Variants in IL1RAP observed in about 807,000 individuals in gnomAD.
The protein encoded by IL1RAP is interleukin 1 receptor accessory protein, also known as interleukin-1 receptor accessory protein.
Under a neutral mutation model 60.7 loss-of-function variants are expected in IL1RAP, and 35 were observed. The ratio of observed to expected loss-of-function variants is 0.58; its 90% CI spans 0.44 to 0.76. IL1RAP has a LOEUF of 0.76. Ranked by LOEUF, IL1RAP falls within the 30% of genes least tolerant of loss-of-function variation. The pLI, the probability that IL1RAP is intolerant of heterozygous loss-of-function variation, is 0.00. For synonymous variants in IL1RAP, 268 were observed against 250.9 expected, an observed-to-expected ratio of 1.07 and a Z score of -0.64; for missense variants, 572 against 693.9, an observed-to-expected ratio of 0.82 and a Z score of 1.97.
chr3:190,579,804 G>A lies in IL1RAP; in HGVS notation c.64+15451G>A, dbSNP rs56698815. On this transcript the variant is annotated intron_variant, in intron 3 of 11. Coordinates refer to ENST00000447382, the MANE Select transcript of IL1RAP (RefSeq NM_002182.4). ...CTGTCTCTATAGATTTGCCTATTCC[G>A]GATATTTCATACAAGTGGGATGATA... Among the ~76,000 whole-genome samples, 1,288 of 152,104 alleles carry A rather than the reference G, an allele frequency of 8.5e-3. 23 individuals are homozygous for A. Among genetic ancestry groups the A allele is most frequent in the African/African-American group, 0.03 (1,254 of 41,472 alleles).
chr3:190,601,859 T>C (rs899196737), intron 3 of IL1RAP, among the ~76,000 whole-genome samples: 4 of 152,178 alleles, frequency 2.6e-5, no homozygotes, highest in African/African-American at 9.7e-5. Flanking sequence ...CTGTGGTCTC[T>C]TATTTATTAA....
intron 4 of IL1RAP, 68 bp downstream of exon 4, chr3:190,604,481 G>A (rs186352256): frequency 6.5e-5 from 98 of 1,506,476 alleles, no homozygotes; most frequent in Admixed American, 1.2e-4. Flanking sequence ...CGGATGATCC[G>A]TGTGCTAGGA....
chr3:190,532,261 C>CTTT (rs370264409), intron 1 of IL1RAP, among the ~76,000 whole-genome samples: 4 of 128,274 alleles, frequency 3.1e-5, no homozygotes, highest in Admixed American at 1.6e-4. Context: ...AATCATCTTT[C>CTTT]TTTTTTTTTT....
chr3:190,595,159 G>A (rs1164933925), intron 3 of IL1RAP, among the ~76,000 whole-genome samples: 1 of 152,162 alleles, frequency 6.6e-6, no homozygotes, highest in African/African-American at 2.4e-5. Flanking sequence ...GTTAGAAGGT[G>A]AGCTCCGTGA....
At chr3:190,647,625 T>C (rs1470925830) in intron 11 of IL1RAP, among the ~76,000 whole-genome samples, 3 of 152,132 alleles carry the variant, frequency 2.0e-5, no homozygotes, top group African/African-American at 7.2e-5. Context: ...ATAGTAATGG[T>C]CGGAGTTTGA....
chr3:190,631,015 T>C (rs1175305703), intron 9 of IL1RAP, among the ~76,000 whole-genome samples: 1 of 152,206 alleles, frequency 6.6e-6, no homozygotes, highest in Non-Finnish European at 1.5e-5. Context: ...GACAAAGGCT[T>C]TTATCATCAA....
chr3:190,590,811 T>C (rs1405850187), intron 3 of IL1RAP, among the ~76,000 whole-genome samples: 1 of 152,208 alleles, frequency 6.6e-6, no homozygotes, highest in African/African-American at 2.4e-5. Context: ...AGTGTACTGT[T>C]GTACTATTTA....
intron 9 of IL1RAP, chr3:190,644,004 A>G (rs772587478): frequency 1.5e-5 from 5 of 337,102 alleles, no homozygotes; most frequent in Non-Finnish European, 2.1e-5. Context: ...GTTTTAATTT[A>G]TATATTGTCA....
intron 3 of IL1RAP, among the ~76,000 whole-genome samples, chr3:190,581,709 T>G (rs1218289142): frequency 1.3e-5 from 2 of 152,240 alleles, no homozygotes; most frequent in Non-Finnish European, 2.9e-5. Flanking sequence ...TTGTATTATT[T>G]TTCTATTGTA....
At chr3:190,566,943 A>T (rs1726463055) in intron 3 of IL1RAP, among the ~76,000 whole-genome samples, 1 of 152,212 alleles carries the variant, frequency 6.6e-6, no homozygotes, top group Admixed American at 6.5e-5. Context: ...ATCTCAACGG[A>T]AACACAGGTT....
downstream of IL1RAP, among the ~76,000 whole-genome samples, chr3:190,652,390 A>G (rs1188363023): frequency 2.6e-5 from 4 of 151,130 alleles, no homozygotes; most frequent in Non-Finnish European, 4.4e-5. Context: ...TGAACCCGGG[A>G]GGCGGAGATT....
rs370310686 is a variant in IL1RAP, at chr3:190,598,659, GACA to G, written c.65-5463_65-5461del. Reference sequence around the variant, plus strand: ...ACTTTTACTAATTACCCTTCTCAGAGACAACAACTTGGATGTCTTATTTATCTC... The same window carrying G: ...ACTTTTACTAATTACCCTTCTCAGAGACAACTTGGATGTCTTATTTATCTC... On this transcript the variant is annotated intron_variant, in intron 3 of 11. Transcript: ENST00000447382. 4.6e-3 allele frequency among the ~76,000 whole-genome samples: 694 copies of G among 151,994 alleles called. 4 individuals are homozygous for G. The highest frequency in any genetic ancestry group is 0.016 in the African/African-American group (662 of 41,450).
chr3:190,533,889 G>A lies in IL1RAP; in HGVS notation c.-89+19670G>A, dbSNP rs577789355. 5.3e-5 allele frequency among the ~76,000 whole-genome samples: 8 copies of A among 152,186 alleles called. No homozygotes were observed. The East Asian group carries it at 5.8e-4, about 11-fold the overall frequency. On this transcript the variant is annotated intron_variant, in intron 1 of 11. Transcript: ENST00000447382. ...ATATGAGAAAGTATCTTTGAGAGCC[G>A]TTTCTTCTTGCCGTTTCAAAGGAAA...
At chr3:190,564,772 T>G (rs1726227806) in intron 3 of IL1RAP, 1 of 188,340 alleles carries the variant, frequency 5.3e-6, no homozygotes. Context: ...TAATGAGTTT[T>G]TGTCATATTG....
rs1734319110 is a variant in IL1RAP at position 190,650,307 on chromosome 3, C to T, written c.*1602C>T. On this transcript the variant is annotated 3_prime_UTR_variant, in exon 12 of 12. Coordinates refer to ENST00000447382, the MANE Select transcript of IL1RAP (RefSeq NM_002182.4). ...TAACTTAAGTATTGCTACAGTTTAT[C>T]TAGGTTGCAGTGGCATCTGCTGTGC... The T allele has an allele frequency of 3.0e-5, 30 of 985,058 alleles. No individual in the cohort carries two copies. The highest frequency in any genetic ancestry group is 3.6e-5 in the Non-Finnish European group (30 of 829,606). 61.0% of individuals were successfully genotyped at this position (985,058 alleles called of 1,614,324 possible). A position where few individuals can be genotyped will look rare whatever the true frequency, so the allele number is the denominator to read the frequency against.
chr3:190,606,705 G>A (rs1730357886), intron 4 of IL1RAP, among the ~76,000 whole-genome samples: 1 of 152,038 alleles, frequency 6.6e-6, no homozygotes, highest in Non-Finnish European at 1.5e-5. Context: ...TATCTTCCAT[G>A]TTCCTAAAGC....
chr3:190,604,287 A>C lies in IL1RAP; in HGVS notation c.224A>C (p.Gln75Pro), dbSNP rs1370549494. ...ACTCTGATCTGGTATTGGACTAGGC[A>C]GGACCGGGACCTTGAGGAGCCAATT... ...GLTLIWYWTR[Q>P]DRDLEEPINF... is the part of the protein sequence containing the mutation. Residue 75 changes from glutamine to proline, a missense_variant, in exon 4 of 12, where the codon CAG becomes CCG. Gln to Pro is a moderately conservative substitution (Grantham distance 76, BLOSUM62 -1). Coordinates refer to ENST00000447382, the MANE Select transcript of IL1RAP (RefSeq NM_002182.4). 6.2e-7 allele frequency: 1 copy of C among 1,613,868 alleles called. No homozygotes were observed. Among genetic ancestry groups the C allele is most frequent in the Non-Finnish European group, 8.5e-7 (1 of 1,179,992 alleles).
chr3:190,546,718 A>T (rs1274308626), intron 1 of IL1RAP, among the ~76,000 whole-genome samples: 2 of 152,216 alleles, frequency 1.3e-5, no homozygotes, highest in African/African-American at 4.8e-5. Context: ...AGAGCCAGGA[A>T]TTGGTAATTA....
At chr3:190,613,728 G>A (rs1731023975) in intron 5 of IL1RAP, among the ~76,000 whole-genome samples, 1 of 152,008 alleles carries the variant, frequency 6.6e-6, no homozygotes, top group Admixed American at 6.6e-5. Context: ...AGCTACTCCG[G>A]AGGCTGAGGC....
Sources: allele counts gnomAD v4.1 joint callset (sites outside exome capture counted in the v4.1 genomes callset), GRCh38; gene constraint gnomAD v4.1.1; transcripts MANE v1.5; gene names NCBI Gene and HGNC (gene_info 2026-07-23, HGNC 2026-07-21).